Variants in AMOTL1 observed in about 807,000 individuals in gnomAD.
AMOTL1 encodes the protein angiomotin like 1.
In AMOTL1, 45 loss-of-function variants were observed where a neutral mutation model predicts 102.9. The ratio of observed to expected loss-of-function variants is 0.44; its 90% confidence interval spans 0.34 to 0.56. AMOTL1 has a LOEUF of 0.56. Among genes scored for constraint, AMOTL1 ranks in the 20% least tolerant of loss-of-function variants. AMOTL1 has a pLI of 0.01. For synonymous variants in AMOTL1, 481 were observed against 484.7 expected (o/e 0.99, Z 0.10); for missense variants, 1,114 against 1,225.6 (o/e 0.91, Z 1.36).
chr11:94,840,681 T>TATATATATATATATATATACACAC (rs1166713705), intron 6 of AMOTL1, among the ~76,000 whole-genome samples: 6 of 104,776 alleles, frequency 5.7e-5, no homozygotes, highest in African/African-American at 2.4e-4. Flanking sequence ...TATATATATA[T>TATATATATATATATATATACACAC]ACACACACAC....
chr11:94,732,831 C>T (rs1950375772), intron 2 of AMOTL1, among the ~76,000 whole-genome samples: 1 of 152,186 alleles, frequency 6.6e-6, no homozygotes, highest in Non-Finnish European at 1.5e-5. Context: ...GGAAACACGG[C>T]CTGGCAGCGT....
intron 1 of AMOTL1, among the ~76,000 whole-genome samples, chr11:94,791,136 CAAAG>C (rs1951278509): frequency 6.6e-6 from 1 of 152,116 alleles, no homozygotes; most frequent in Non-Finnish European, 1.5e-5. Flanking sequence ...CAGTCATGCT[CAAAG>C]AGAGAGAAGC....
rs116265150 is a variant in AMOTL1, at chr11:94,713,416, C to A, written c.-51+6819C>A. Among the ~76,000 whole-genome samples, 1,226 of 151,978 alleles carry A rather than the reference C, an allele frequency of 8.1e-3. 21 individuals are homozygous for A. The highest frequency in any genetic ancestry group is 0.028 in the African/African-American group (1,173 of 41,516). On this transcript the variant is annotated intron_variant, in intron 1 of 4. Transcript: ENST00000299004. ...ATGAACTTGTCTCTATCTACAGAAC[C>A]TTGCTGGGATTTTGATAGGAATCCT...
chr11:94,804,772 A>G (rs1445852136), intron 3 of AMOTL1, among the ~76,000 whole-genome samples: 1 of 152,142 alleles, frequency 6.6e-6, no homozygotes, highest in East Asian at 1.9e-4. Flanking sequence ...TTTTTCTAAC[A>G]CTTGCTCTCA....
At chr11:94,846,594 G>A (rs1360324125) in intron 6 of AMOTL1, among the ~76,000 whole-genome samples, 1 of 152,176 alleles carries the variant, frequency 6.6e-6, no homozygotes, top group East Asian at 1.9e-4. Context: ...ATACACATGT[G>A]AATGTAATTG....
intron 5 of AMOTL1, among the ~76,000 whole-genome samples, chr11:94,830,426 A>G (rs1952047476): frequency 6.6e-6 from 1 of 152,238 alleles, no homozygotes; most frequent in African/African-American, 2.4e-5. Context: ...GACAGCCTGT[A>G]TGCATGAGTC....
At chr11:94,800,440 A>G in intron 3 of AMOTL1, 129 bp downstream of exon 3, 1 of 1,078,526 alleles carries the variant, frequency 9.3e-7, no homozygotes, top group Non-Finnish European at 1.3e-6. Flanking sequence ...GATATTTAAT[A>G]AACCACTTTG....
chr11:94,740,884 G>T, intron 2 of AMOTL1: 1 of 1,268,320 alleles, frequency 7.9e-7, no homozygotes, highest in South Asian at 1.2e-5. Context: ...GCTTGTGCGG[G>T]TTCGTCCTGA....
chr11:94,873,006 G>A lies in AMOTL1; in HGVS notation c.*2211G>A, dbSNP rs891888781. The A allele has an allele frequency of 3.3e-5, 5 of 152,168 alleles. No homozygotes were observed. The highest frequency in any genetic ancestry group is 2.1e-4 in the South Asian group (1 of 4,830). 9.4% of individuals were successfully genotyped at this position (152,168 alleles called of 1,614,324 possible). The stretch of plus-strand genomic sequence containing the variant: ...AAAGGAAAATGTCTAGAGATAGGAA[G>A]GTAAATCAACTCTGCCAGCCCCTAC... On this transcript the variant is annotated 3_prime_UTR_variant, in exon 13 of 13. Coordinates refer to ENST00000433060, the MANE Select transcript of AMOTL1 (RefSeq NM_130847.3).
At chr11:94,779,496 A>C (rs1951075555) in intron 1 of AMOTL1, among the ~76,000 whole-genome samples, 1 of 152,218 alleles carries the variant, frequency 6.6e-6, no homozygotes, top group African/African-American at 2.4e-5. Context: ...ATAGACAGTA[A>C]CTGAAGGTAC....
At chr11:94,710,363 C>T (rs1950004101) in intron 1 of AMOTL1, among the ~76,000 whole-genome samples, 1 of 152,172 alleles carries the variant, frequency 6.6e-6, no homozygotes, top group Admixed American at 6.5e-5. Flanking sequence ...GACCCGGGTT[C>T]CTATCAGGAC....
intron 5 of AMOTL1, among the ~76,000 whole-genome samples, 157 bp downstream of exon 5, chr11:94,830,351 T>G (rs1952046847): frequency 1.3e-5 from 2 of 152,184 alleles, no homozygotes. Context: ...GAGGAGGTGC[T>G]CAAAAAGCAG....
In AMOTL1 at chr11:94,729,139, T is replaced by C. The variant is rs1950306760; in HGVS notation, c.85+84T>C. 1.6e-5 allele frequency: 16 copies of C among 1,000,840 alleles called. No homozygotes were observed. In the South Asian group the frequency reaches 2.1e-4, roughly 13 times the overall value. The allele number at this position is 1,000,840 out of a possible 1,614,324, so 62.0% of individuals were successfully genotyped here. ...ATGTCAATCCACTGTACTCAGTACG[T>C]GCCCACGCTGTTTGTCTTTTCAAAA... On this transcript the variant is annotated intron_variant, in intron 2 of 4. Transcript: ENST00000299004.
intron 8 of AMOTL1, among the ~76,000 whole-genome samples, chr11:94,856,775 C>T (rs118076634): frequency 0.014 from 2,077 of 152,304 alleles, 30 homozygotes; most frequent in Non-Finnish European, 0.018. Flanking sequence ...GAACAACAGA[C>T]CAACCGCATG....
intron 3 of AMOTL1, among the ~76,000 whole-genome samples, chr11:94,744,781 T>A (rs561342808): frequency 6.6e-6 from 1 of 152,258 alleles, no homozygotes; most frequent in East Asian, 1.9e-4. Flanking sequence ...AAGATGAAAT[T>A]TTTCACTCCA....
At chr11:94,788,065 C>T (rs1951221439) in intron 1 of AMOTL1, among the ~76,000 whole-genome samples, 1 of 152,142 alleles carries the variant, frequency 6.6e-6, no homozygotes, top group African/African-American at 2.4e-5. Context: ...TGCATCATTT[C>T]CTCAAGATTC....
chr11:94,838,790 T>A (rs997259877), intron 6 of AMOTL1, among the ~76,000 whole-genome samples: 4 of 152,222 alleles, frequency 2.6e-5, no homozygotes, highest in African/African-American at 9.6e-5. Context: ...AACATAATTA[T>A]TATCATTTTA....
intron 1 of AMOTL1, among the ~76,000 whole-genome samples, chr11:94,788,574 G>A (rs1401880073): frequency 6.6e-6 from 1 of 152,178 alleles, no homozygotes; most frequent in African/African-American, 2.4e-5. Context: ...TCAACAGGTA[G>A]TAATGATTAC....
chr11:94,840,705 C>A (rs907026736), intron 6 of AMOTL1, among the ~76,000 whole-genome samples: 6 of 144,882 alleles, frequency 4.1e-5, no homozygotes, highest in Admixed American at 3.5e-4. Context: ...CACACACACA[C>A]ACATATATAT....
Sources: gnomAD v4.1 joint callset for allele counts (sites outside exome capture counted in the v4.1 genomes callset) on GRCh38, gnomAD v4.1.1 for gene constraint, MANE v1.5 for transcripts, NCBI Gene and HGNC (gene_info 2026-07-23, HGNC 2026-07-21) for gene names.